JCAD: variants seen among roughly 807,000 people sequenced by gnomAD.
JCAD encodes junctional cadherin 5 associated.
In JCAD, 40 loss-of-function variants were observed where a neutral mutation model predicts 98.0. That is an observed-to-expected ratio of 0.41 (90% CI 0.32 to 0.53). JCAD has a LOEUF of 0.53. Among genes scored for constraint, JCAD ranks in the 20% least tolerant of loss-of-function variants. The pLI, the probability that JCAD is intolerant of heterozygous loss-of-function variation, is 0.31. For missense variants in JCAD, 1,705 were observed against 1,738.1 expected (o/e 0.98, Z 0.34); for synonymous variants, 691 against 682.3 (o/e 1.01, Z -0.20).
chr10:30,073,374 G>C (rs1012724938), intron 1 of JCAD, among the ~76,000 whole-genome samples: 5 of 152,164 alleles, frequency 3.3e-5, no homozygotes, highest in African/African-American at 1.2e-4. Context: ...AGCATTAGCT[G>C]TTCTTACGCT....
At chr10:30,109,421 T>C (rs1382984596) in intron 1 of JCAD, among the ~76,000 whole-genome samples, 2 of 152,126 alleles carry the variant, frequency 1.3e-5, no homozygotes, top group Non-Finnish European at 2.9e-5. Context: ...ACTTCCAAGT[T>C]CAAAACTTGA....
intron 2 of JCAD, among the ~76,000 whole-genome samples, chr10:30,067,946 T>C (rs951896335): frequency 2.6e-5 from 4 of 152,170 alleles, no homozygotes; most frequent in African/African-American, 9.7e-5. Flanking sequence ...CTGCAGGCAA[T>C]TGTAACACAG....
chr10:30,091,753 G>A (rs2132696070), intron 1 of JCAD, among the ~76,000 whole-genome samples: 1 of 131,616 alleles, frequency 7.6e-6, no homozygotes, highest in Non-Finnish European at 1.6e-5. Flanking sequence ...GCCAGGTGCG[G>A]TGGCTCACTC....
chr10:30,047,663 G>C lies in JCAD; in HGVS notation c.150C>G (p.Gly50=). Residue 50 remains glycine, a synonymous_variant, in exon 2 of 4, where the codon GGC becomes GGG. Coordinates refer to ENST00000375377, the MANE Select transcript of JCAD (RefSeq NM_020848.4). The part of the protein sequence containing the change: ...GQGLQNGHED[G]PAALAHRKTS... ...TCTTACGATGTGCGAGGGCCGCAGG[G>C]CCATCCTCATGCCCGTTCTGCAGGC... The C allele has an allele frequency of 1.2e-6, 2 of 1,614,194 alleles. No individual in the cohort carries two copies. The highest frequency in any genetic ancestry group is 1.7e-6 in the Non-Finnish European group (2 of 1,180,048).
Position 30,015,145 on chromosome 10 carries a change from A to G in JCAD, c.*2738T>C, listed in dbSNP as rs1836508319. The G allele has an allele frequency of 6.6e-6, 1 of 152,254 alleles. No homozygotes were observed. Among genetic ancestry groups the G allele is most frequent in the Non-Finnish European group, 1.5e-5 (1 of 68,046 alleles). 9.4% of individuals were successfully genotyped at this position (152,254 alleles called of 1,614,324 possible). On this transcript the variant is annotated 3_prime_UTR_variant, in exon 4 of 4. Coordinates refer to ENST00000375377, the MANE Select transcript of JCAD (RefSeq NM_020848.4). ...AAATCAAGAAATACTAATCCATTGCATATGTAATCCCTCATATAATTTTTA... is the reference window on the plus strand; with the variant it reads ...AAATCAAGAAATACTAATCCATTGCGTATGTAATCCCTCATATAATTTTTA...
intron 2 of JCAD, among the ~76,000 whole-genome samples, chr10:30,033,017 G>A (rs1196258117): frequency 6.6e-6 from 1 of 152,156 alleles, no homozygotes; most frequent in Admixed American, 6.5e-5. Flanking sequence ...CATGCATGGT[G>A]CTAAGCATGC....
At chr10:30,031,558 C>T (rs181977943) in intron 2 of JCAD, among the ~76,000 whole-genome samples, 1 of 150,272 alleles carries the variant, frequency 6.7e-6, no homozygotes, top group Non-Finnish European at 1.5e-5. Context: ...TCTTGTGCCT[C>T]AGCCTCCCGA....
intron 1 of JCAD, among the ~76,000 whole-genome samples, chr10:30,102,451 G>A (rs779400697): frequency 1.2e-4 from 18 of 152,236 alleles, no homozygotes; most frequent in African/African-American, 2.2e-4. Context: ...GATTACAGGC[G>A]TGAGCCACTG....
At chr10:30,037,776 C>T (rs561919632) in intron 2 of JCAD, among the ~76,000 whole-genome samples, 9 of 152,152 alleles carry the variant, frequency 5.9e-5, no homozygotes, top group South Asian at 2.1e-4. Flanking sequence ...GAGTTATCAA[C>T]GTGCACAGAG....
rs763732843 is a variant in JCAD at position 30,026,880 on chromosome 10, G to C, written c.3268C>G (p.Leu1090Val). The C allele has an allele frequency of 1.2e-6, 2 of 1,614,036 alleles. No homozygotes were observed. The highest frequency in any genetic ancestry group is 1.7e-6 in the Non-Finnish European group (2 of 1,180,000). ...GACTCCACCGCCACCTCAATGCCCA[G>C]GATCCTTGCAGCCCTGGCTTGCAAG... The part of the protein sequence containing the change: ...ESLQARAARI[L>V]GIEVAVESLL... The change falls in exon 3 of 4, where the codon CTG becomes GTG. Residue 1090 changes from leucine (L) to valine (V), a missense_variant. Transcript: ENST00000375377.
intron 1 of JCAD, among the ~76,000 whole-genome samples, chr10:30,051,494 T>C: frequency 6.6e-6 from 1 of 152,160 alleles, no homozygotes; most frequent in Admixed American, 6.5e-5. Context: ...AAGCCTGCTG[T>C]ATGAAACTGA....
chr10:30,047,299 G>A (rs577661052), intron 2 of JCAD, among the ~76,000 whole-genome samples: 2 of 152,328 alleles, frequency 1.3e-5, no homozygotes, highest in Admixed American at 6.5e-5. Context: ...TTGAACCCTG[G>A]AGACGGTTGC....
At chr10:30,106,180 T>G (rs974289652) in intron 1 of JCAD, among the ~76,000 whole-genome samples, 8 of 152,198 alleles carry the variant, frequency 5.3e-5, no homozygotes, top group African/African-American at 1.7e-4. Flanking sequence ...CCCAGCACTT[T>G]GGGATGCTGA....
chr10:30,105,485 A>G (rs1332381827), intron 1 of JCAD, among the ~76,000 whole-genome samples: 1 of 150,764 alleles, frequency 6.6e-6, no homozygotes, highest in Non-Finnish European at 1.5e-5. Context: ...CACCACACCC[A>G]GCTAATTTTT....
intron 2 of JCAD, among the ~76,000 whole-genome samples, chr10:30,031,909 T>C (rs550557177): frequency 0.028 from 4,281 of 151,092 alleles, 97 homozygotes; most frequent in Middle Eastern, 0.041. Context: ...CGCCCGCCAC[T>C]ACGCCCGGCT....
intron 1 of JCAD, among the ~76,000 whole-genome samples, chr10:30,072,792 C>T (rs1205322974): frequency 6.6e-6 from 1 of 152,114 alleles, no homozygotes; most frequent in South Asian, 2.1e-4. Flanking sequence ...GATGTGATTA[C>T]AGGTGCCTGC....
At chr10:30,051,153 C>T (rs1837458670) in intron 1 of JCAD, among the ~76,000 whole-genome samples, 1 of 152,128 alleles carries the variant, frequency 6.6e-6, no homozygotes, top group Non-Finnish European at 1.5e-5. Context: ...AGAGAGAAGG[C>T]ATGGTGGCAT....
upstream of JCAD, among the ~76,000 whole-genome samples, chr10:30,059,716 C>T (rs1837666312): frequency 6.6e-6 from 1 of 152,112 alleles, no homozygotes; most frequent in African/African-American, 2.4e-5. The surrounding 1 kb of genome is among the most constrained non-coding windows in gnomAD (Gnocchi z 5.0). Flanking sequence ...CTGCGTGGGT[C>T]GCGCAGAAGG....
Position 30,108,775 on chromosome 10 carries a change from C to G in JCAD, n.128+6592G>C, listed in dbSNP as rs140594542. On this transcript the variant is annotated intron_variant and non_coding_transcript_variant, in intron 1 of 2. Coordinates refer to the JCAD transcript ENST00000465712. ...AGCTAACAAATGCCTTCTTCGTAAACTTACATTTCAGCCTACACACCCATG... is the reference window on the plus strand; with the variant it reads ...AGCTAACAAATGCCTTCTTCGTAAAGTTACATTTCAGCCTACACACCCATG... Among the ~76,000 whole-genome samples the G allele has an allele frequency of 9.5e-3, 1,433 of 151,610 alleles. 28 individuals carry two copies. The highest frequency in any genetic ancestry group is 0.033 in the African/African-American group (1,348 of 41,268).
Sources: allele counts gnomAD v4.1 joint callset (sites outside exome capture counted in the v4.1 genomes callset), GRCh38; gene constraint gnomAD v4.1.1; non-coding constraint Gnocchi (gnomAD v3.1); transcripts MANE v1.5; gene names NCBI Gene and HGNC (gene_info 2026-07-23, HGNC 2026-07-21).